Variants in ENTREP2 observed in about 807,000 individuals in gnomAD.
ENTREP2 encodes endosomal transmembrane epsin interactor 2.
At chr15:29,154,727 G>A in the ENTREP2 span, among the ~76,000 whole-genome samples, 3 of 152,160 alleles carry the variant, frequency 2.0e-5, no homozygotes, top group African/African-American at 7.2e-5. Flanking sequence ...CTCAGGGCTC[G>A]TTCATGTATA....
At chr15:29,363,956 C>A in the ENTREP2 span, among the ~76,000 whole-genome samples, 1 of 152,138 alleles carries the variant, frequency 6.6e-6, no homozygotes, top group African/African-American at 2.4e-5. Context: ...GCTTTTGGTG[C>A]CACACACCTG....
At chr15:29,141,913 G>C in the ENTREP2 span, among the ~76,000 whole-genome samples, 1 of 152,210 alleles carries the variant, frequency 6.6e-6, no homozygotes, top group African/African-American at 2.4e-5. Context: ...CAGGGCTCCA[G>C]GGTGCCTTAC....
chr15:29,246,973 G>GCGCACACA, the ENTREP2 span, among the ~76,000 whole-genome samples: 16 of 137,094 alleles, frequency 1.2e-4, no homozygotes, highest in Admixed American at 5.9e-4. Context: ...GACTGGAAAG[G>GCGCACACA]CACACACACA....
the ENTREP2 span, among the ~76,000 whole-genome samples, chr15:29,563,545 A>G: frequency 2.0e-5 from 3 of 152,086 alleles, no homozygotes; most frequent in East Asian, 3.9e-4. Flanking sequence ...ACAATTTCTG[A>G]TTCAGGATGG....
chr15:29,283,693 T>C, the ENTREP2 span, among the ~76,000 whole-genome samples: 11 of 152,178 alleles, frequency 7.2e-5, no homozygotes, highest in Non-Finnish European at 1.6e-4. Flanking sequence ...CTAGAACAGA[T>C]GGCTACTACA....
the ENTREP2 span, among the ~76,000 whole-genome samples, chr15:29,477,311 G>C: frequency 3.3e-5 from 5 of 152,150 alleles, no homozygotes; most frequent in Non-Finnish European, 7.3e-5. Flanking sequence ...TTCTGCCTTT[G>C]GGTGCCGGCT....
the ENTREP2 span, among the ~76,000 whole-genome samples, chr15:29,345,205 G>T: frequency 6.6e-6 from 1 of 152,154 alleles, no homozygotes; most frequent in Admixed American, 6.5e-5. Context: ...GAGACATATA[G>T]GTCTTTGGAT....
At chr15:29,176,358 AGT>A in the ENTREP2 span, among the ~76,000 whole-genome samples, 1 of 152,062 alleles carries the variant, frequency 6.6e-6, no homozygotes, top group Non-Finnish European at 1.5e-5. Context: ...GGTAGTTCTC[AGT>A]GTGTGCAGCT....
chr15:29,464,408 A>G, the ENTREP2 span, among the ~76,000 whole-genome samples: 1 of 152,138 alleles, frequency 6.6e-6, no homozygotes, highest in African/African-American at 2.4e-5. Context: ...GTTATATACT[A>G]GACAGATTTT....
At chr15:29,322,522 T>G in the ENTREP2 span, among the ~76,000 whole-genome samples, 4 of 152,148 alleles carry the variant, frequency 2.6e-5, no homozygotes. Flanking sequence ...TAATTCACTA[T>G]GGCAAAGGGA....
the ENTREP2 span, among the ~76,000 whole-genome samples, chr15:29,393,549 G>A: frequency 1.3e-5 from 2 of 152,144 alleles, no homozygotes; most frequent in East Asian, 1.9e-4. Flanking sequence ...TGGGAGTAGG[G>A]CAGTGGACCT....
At chr15:29,317,179 G>T in the ENTREP2 span, among the ~76,000 whole-genome samples, 1 of 152,108 alleles carries the variant, frequency 6.6e-6, no homozygotes, top group Non-Finnish European at 1.5e-5. Flanking sequence ...CTCAATTAGT[G>T]CCCAATTCAA....
the ENTREP2 span, among the ~76,000 whole-genome samples, chr15:29,647,705 G>A: frequency 1.3e-5 from 2 of 151,988 alleles, no homozygotes; most frequent in African/African-American, 4.8e-5. Context: ...TCCCAAAAGG[G>A]TACAATTTCA....
chr15:29,327,664 A>C, the ENTREP2 span, among the ~76,000 whole-genome samples: 1 of 152,300 alleles, frequency 6.6e-6, no homozygotes, highest in East Asian at 1.9e-4. Flanking sequence ...ACAGCAAATA[A>C]GCATATGACA....
the ENTREP2 span, among the ~76,000 whole-genome samples, chr15:29,591,093 C>CT: frequency 1.3e-5 from 2 of 152,076 alleles, no homozygotes; most frequent in African/African-American, 4.8e-5. Context: ...TAAAAACATC[C>CT]TTTTTTTCCT....
the ENTREP2 span, among the ~76,000 whole-genome samples, chr15:29,548,900 G>A: frequency 3.9e-5 from 6 of 152,288 alleles, no homozygotes; most frequent in Admixed American, 3.9e-4. Flanking sequence ...CTAAATTTGG[G>A]CTGAGGAGGT....
chr15:29,602,135 T>C, the ENTREP2 span, among the ~76,000 whole-genome samples: 2 of 152,244 alleles, frequency 1.3e-5, no homozygotes, highest in African/African-American at 4.8e-5. Flanking sequence ...AAAGCCTGCC[T>C]GTATTTGTAT....
At chr15:29,649,905 C>A in the ENTREP2 span, among the ~76,000 whole-genome samples, 1 of 152,030 alleles carries the variant, frequency 6.6e-6, no homozygotes, top group Non-Finnish European at 1.5e-5. Flanking sequence ...AGAGCTTCTA[C>A]CACGGATAAG....
the ENTREP2 span, among the ~76,000 whole-genome samples, chr15:29,153,313 G>A: frequency 5.3e-5 from 8 of 152,116 alleles, no homozygotes; most frequent in Non-Finnish European, 1.2e-4. Context: ...AAATACCATA[G>A]ACCAGGTAGC....
Sources: gnomAD v4.1 joint callset for allele counts (sites outside exome capture counted in the v4.1 genomes callset) on GRCh38, gnomAD v4.1.1 for gene constraint, MANE v1.5 for transcripts, NCBI Gene and HGNC (gene_info 2026-07-23, HGNC 2026-07-21) for gene names.